KLRB1: variants seen among roughly 807,000 people sequenced by gnomAD.
KLRB1 encodes the protein killer cell lectin like receptor B1, also known as killer cell lectin-like receptor subfamily B member 1.
In KLRB1, 27 loss-of-function variants were observed where a neutral mutation model predicts 33.5. The observed-to-expected ratio is 0.81, with a 90% CI of 0.59 to 1.11. The LOEUF is 1.11. KLRB1 is among the 50% of genes most tolerant of loss of function. KLRB1 has a pLI of 0.00. For synonymous variants in KLRB1, 64 were observed against 88.9 expected (o/e 0.72, Z 1.58); for missense variants, 241 against 254.1 (o/e 0.95, Z 0.35).
In KLRB1 at chr12:9,606,665, A is replaced by AT. The variant is rs1864603295; in HGVS notation, c.85+1089_85+1090insA. Among the ~76,000 whole-genome samples, 18 of 82,072 alleles carry AT rather than the reference A, an allele frequency of 2.2e-4. No individual in the cohort carries two copies. In the South Asian group the frequency reaches 4.5e-3, roughly 20 times the overall value. 53.8% of individuals were successfully genotyped at this position (82,072 alleles called of 152,430 possible). A position where few individuals can be genotyped will look rare whatever the true frequency, so the allele number is the denominator to read the frequency against. On this transcript the variant is annotated intron_variant, in intron 1 of 5. Transcript: ENST00000229402. ...CCTACACTTTATATATATATATATA[A>AT]AATATATAAAATATATGTATAAAAA...
chr12:9,596,081 A>G (rs1271726857), intron 5 of KLRB1, among the ~76,000 whole-genome samples: 1 of 152,186 alleles, frequency 6.6e-6, no homozygotes, highest in Non-Finnish European at 1.5e-5. Context: ...AATTCAAACA[A>G]AGGGACAGGC....
At chr12:9,602,769 G>A (rs1591657295) in intron 1 of KLRB1, among the ~76,000 whole-genome samples, 1 of 151,860 alleles carries the variant, frequency 6.6e-6, no homozygotes, top group Non-Finnish European at 1.5e-5. Context: ...GTGATTACTT[G>A]CTATGAGTTA....
rs771782895 is a variant in KLRB1 at position 9,598,385 on chromosome 12, G to A, written c.414+114C>T. 495 of 897,116 alleles carry A rather than the reference G, an allele frequency of 5.5e-4. 4 individuals are homozygous for A. The highest frequency in any genetic ancestry group is 1.6e-3 in the South Asian group (94 of 59,704). The allele number at this position is 897,116 out of a possible 1,614,324, so 55.6% of individuals were successfully genotyped here. A position where few individuals can be genotyped will look rare whatever the true frequency, so the allele number is the denominator to read the frequency against. On this transcript the variant is annotated intron_variant, in intron 4 of 5. Transcript: ENST00000229402. ...ACATATCCATGTAGTCATTCAAATT[G>A]TGAAGTCAAAGTCATCACTTCCATT...
intron 1 of KLRB1, among the ~76,000 whole-genome samples, chr12:9,607,370 T>TTCTTTCTTTCTCTCTTTCTTTCTC (rs879417580): frequency 1.2e-5 from 1 of 86,358 alleles, no homozygotes; most frequent in Non-Finnish European, 2.5e-5. Flanking sequence ...CTTTCTTTCT[T>TTCTTTCTTTCTCTCTTTCTTTCTC]TCTTTCTTTC....
chr12:9,595,510 AGCAGT>A, intron 5 of KLRB1, 89 bp from the exon 6 acceptor site: 1 of 1,212,454 alleles, frequency 8.2e-7, no homozygotes, highest in Non-Finnish European at 1.2e-6. Context: ...ACTCTCAGGA[AGCAGT>A]AGAATGATAA....
chr12:9,597,670 A>T (rs1200865949), intron 5 of KLRB1, among the ~76,000 whole-genome samples: 2 of 152,128 alleles, frequency 1.3e-5, no homozygotes, highest in Admixed American at 1.3e-4. Context: ...GCTGTGACCC[A>T]CTAAATTGGT....
At chr12:9,606,754 ATATATAT>A (rs1306166535) in intron 1 of KLRB1, among the ~76,000 whole-genome samples, 88 of 25,274 alleles carry the variant, frequency 3.5e-3, no homozygotes, top group Non-Finnish European at 4.9e-3. Context: ...ATATATATAT[ATATATAT>A]TTTTTTTTTT....
intron 3 of KLRB1, among the ~76,000 whole-genome samples, chr12:9,598,974 C>T (rs1864516362): frequency 6.6e-6 from 1 of 152,162 alleles, no homozygotes; most frequent in Non-Finnish European, 1.5e-5. Context: ...TTAAGTCCAG[C>T]CAGTCAGATG....
chr12:9,595,514 G>A (rs1864484537), intron 5 of KLRB1, 93 bp from the exon 6 acceptor site: 3 of 1,161,014 alleles, frequency 2.6e-6, no homozygotes, highest in African/African-American at 1.5e-5. Context: ...TCAGGAAGCA[G>A]TAGAATGATA....
At chr12:9,595,800 A>AG (rs1864486642) in intron 5 of KLRB1, among the ~76,000 whole-genome samples, 1 of 152,214 alleles carries the variant, frequency 6.6e-6, no homozygotes, top group African/African-American at 2.4e-5. Context: ...CCTAATATTT[A>AG]GGGGAGGCAT....
At chr12:9,599,225 CAGA>C (rs937941681) in intron 3 of KLRB1, among the ~76,000 whole-genome samples, 1 of 152,118 alleles carries the variant, frequency 6.6e-6, no homozygotes, top group African/African-American at 2.4e-5. Context: ...TAGAATTTTC[CAGA>C]AGGACTTTCA....
intron 1 of KLRB1, among the ~76,000 whole-genome samples, chr12:9,606,688 A>G (rs1221631643): frequency 1.1e-5 from 1 of 89,034 alleles, no homozygotes; most frequent in Non-Finnish European, 2.0e-5. Flanking sequence ...ATATGTATAA[A>G]AAGTATATAT....
At chr12:9,603,333 T>A (rs1212147814) in intron 1 of KLRB1, among the ~76,000 whole-genome samples, 1 of 152,232 alleles carries the variant, frequency 6.6e-6, no homozygotes, top group Admixed American at 6.5e-5. Context: ...CTGTCTCTTC[T>A]CTTCCCCACC....
chr12:9,601,564 GGGCAAATTGATGCCAA>G lies in KLRB1; in HGVS notation c.105_120del (p.Trp36Ter), dbSNP rs1169264960. On this transcript the variant is annotated frameshift_variant, in exon 2 of 6. Transcript: ENST00000229402. LOFTEE classifies it high-confidence loss of function. Reference sequence around the variant, plus strand: ...ATAATCCCAGCACAGCTAAGTTTCAGGGCAAATTGATGCCAAGGTGAACCCTGACAGACATCTGAAA... The same window carrying G: ...ATAATCCCAGCACAGCTAAGTTTCAGGGTGAACCCTGACAGACATCTGAAA... 4 of 1,613,542 alleles carry G rather than the reference GGGCAAATTGATGCCAA, an allele frequency of 2.5e-6. No individual in the cohort carries two copies. The African/African-American group carries it at 5.3e-5, about 22-fold the overall frequency.
intron 1 of KLRB1, among the ~76,000 whole-genome samples, chr12:9,606,760 A>ATTTTTTTTTTTTT (rs1185510083): frequency 1.6e-5 from 1 of 63,744 alleles, no homozygotes; most frequent in South Asian, 4.0e-4. Flanking sequence ...ATATATATAT[A>ATTTTTTTTTTTTT]TTTTTTTTTT....
chr12:9,600,912 A>G (rs931641022), intron 2 of KLRB1, among the ~76,000 whole-genome samples: 1 of 151,898 alleles, frequency 6.6e-6, no homozygotes, highest in Non-Finnish European at 1.5e-5. Flanking sequence ...GAGGATTAGT[A>G]AAAGAGGAAG....
At chr12:9,599,459 T>C (rs1864520053) in intron 3 of KLRB1, among the ~76,000 whole-genome samples, 1 of 152,214 alleles carries the variant, frequency 6.6e-6, no homozygotes, top group Non-Finnish European at 1.5e-5. Flanking sequence ...TAATCAGATA[T>C]TTCACATATT....
chr12:9,606,538 C>A (rs191186742), intron 1 of KLRB1: 2 of 151,326 alleles, frequency 1.3e-5, no homozygotes, highest in African/African-American at 4.8e-5. Flanking sequence ...AAACTAGAAA[C>A]TATCAGGTAG....
At position 9,594,582 on chromosome 12, in the gene KLRB1, G is replaced by A. The variant is rs771420684; in HGVS notation, c.*692C>T. The A allele has an allele frequency of 9.2e-5, 14 of 152,190 alleles. No individual in the cohort carries two copies. Among genetic ancestry groups the A allele is most frequent in the East Asian group, 3.9e-4 (2 of 5,190 alleles). The allele number at this position is 152,190 out of a possible 1,614,324, so 9.4% of individuals were successfully genotyped here. A position where few individuals can be genotyped will look rare whatever the true frequency, so the allele number is the denominator to read the frequency against. On this transcript the variant is annotated 3_prime_UTR_variant, in exon 6 of 6. Coordinates refer to ENST00000229402, the MANE Select transcript of KLRB1 (RefSeq NM_002258.3). ...AAATAAAAGTATACACATTTTATTC[G>A]TTTTGCATGTACATGAGGAACTCGC...
Sources: gnomAD v4.1 joint callset for allele counts (sites outside exome capture counted in the v4.1 genomes callset) on GRCh38, gnomAD v4.1.1 for gene constraint, MANE v1.5 for transcripts, NCBI Gene and HGNC (gene_info 2026-07-23, HGNC 2026-07-21) for gene names.